HDAC1: variants seen among roughly 807,000 people sequenced by gnomAD.
HDAC1 encodes histone deacetylase 1.
HDAC1 carries 18 observed loss-of-function variants against 65.5 expected under a neutral mutation model. The observed-to-expected ratio is 0.27, with a 90% CI of 0.19 to 0.41. HDAC1 has a LOEUF of 0.41. Among genes scored for constraint, HDAC1 ranks in the 10% least tolerant of loss-of-function variants. The pLI is 1.00. For synonymous variants in HDAC1, 211 were observed against 227.9 expected (o/e 0.93, Z 0.67); for missense variants, 373 against 625.2 (o/e 0.60, Z 4.30).
intron 1 of HDAC1, among the ~76,000 whole-genome samples, chr1:32,301,226 C>G (rs912556493): frequency 1.3e-5 from 2 of 151,600 alleles, no homozygotes; most frequent in Non-Finnish European, 2.9e-5. Context: ...GCGGGCAGAT[C>G]ACAAGGTCAG....
Position 32,327,400 on chromosome 1 carries a change from C to T in HDAC1, c.495-136C>T, listed in dbSNP as rs1570037670. The T allele has an allele frequency of 2.7e-6, 2 of 742,032 alleles. No individual in the cohort carries two copies. The highest frequency in any genetic ancestry group is 2.5e-5 in the East Asian group (1 of 40,670). 46.0% of individuals were successfully genotyped at this position (742,032 alleles called of 1,614,324 possible). ...GACACCCGGCCGCTCTTCCACCTTC[C>T]TTCAGCCAGTTTCCACGTCTCTGGT... is the stretch of plus-strand genomic sequence containing the variant. On this transcript the variant is annotated intron_variant, in intron 5 of 13. Coordinates refer to ENST00000373548, the MANE Select transcript of HDAC1 (RefSeq NM_004964.3). The surrounding 1 kb of genome is among the most constrained non-coding windows in gnomAD (Gnocchi z 6.0).
intron 2 of HDAC1, among the ~76,000 whole-genome samples, chr1:32,316,456 G>A (rs2148065112): frequency 6.6e-6 from 1 of 152,304 alleles, no homozygotes; most frequent in South Asian, 2.1e-4. Context: ...TTGAGCTGCT[G>A]TAGGTCTTCT....
At chr1:32,315,873 G>A (rs1294770559) in intron 2 of HDAC1, among the ~76,000 whole-genome samples, 2 of 151,592 alleles carry the variant, frequency 1.3e-5, no homozygotes, top group Admixed American at 6.6e-5. Flanking sequence ...GCTGAGGCAG[G>A]AGAATCGCTT....
intron 3 of HDAC1, among the ~76,000 whole-genome samples, chr1:32,321,566 A>C (rs1570030376): frequency 6.6e-6 from 1 of 152,236 alleles, no homozygotes; most frequent in Non-Finnish European, 1.5e-5. Context: ...TAGCAGAAAG[A>C]GAGAAAACCC....
intron 6 of HDAC1, 79 bp from the exon 7 acceptor site, chr1:32,328,989 C>T (rs1641255777): frequency 2.3e-6 from 2 of 882,250 alleles, no homozygotes; most frequent in Non-Finnish European, 3.9e-6. Context: ...GAACCTCTTC[C>T]TTTATCCCTC....
chr1:32,297,263 T>C (rs1186918063), intron 1 of HDAC1, among the ~76,000 whole-genome samples: 1 of 152,160 alleles, frequency 6.6e-6, no homozygotes, highest in Non-Finnish European at 1.5e-5. Context: ...AAAAATGGGC[T>C]GGGCATGGTG....
intron 3 of HDAC1, among the ~76,000 whole-genome samples, chr1:32,319,447 C>A (rs561458234): frequency 6.6e-6 from 1 of 152,080 alleles, no homozygotes; most frequent in East Asian, 1.9e-4. Context: ...CAGTAATGAG[C>A]CCTTTTTAAA....
intron 12 of HDAC1, 92 bp from the exon 13 acceptor site, chr1:32,332,609 A>C: frequency 1.1e-6 from 1 of 875,038 alleles, no homozygotes; most frequent in Non-Finnish European, 1.9e-6. Context: ...AGTGAGCTGT[A>C]GTGTTGGGGA....
intron 1 of HDAC1, among the ~76,000 whole-genome samples, chr1:32,296,664 C>T (rs1044514057): frequency 2.6e-5 from 4 of 152,220 alleles, no homozygotes; most frequent in Non-Finnish European, 2.9e-5. Flanking sequence ...CAGGCGTGAG[C>T]CATCATGCCC....
At chr1:32,324,891 A>T (rs1641197132) in intron 4 of HDAC1, among the ~76,000 whole-genome samples, 1 of 152,106 alleles carries the variant, frequency 6.6e-6, no homozygotes, top group Non-Finnish European at 1.5e-5. Context: ...GCTTAAACCC[A>T]GTAGGTTGAG....
chr1:32,318,212 G>T (rs1414261598), intron 3 of HDAC1, among the ~76,000 whole-genome samples: 1 of 152,220 alleles, frequency 6.6e-6, no homozygotes. Context: ...GCTTCCCCAA[G>T]TGCTGGGATT....
chr1:32,327,703 C>G lies in HDAC1; in HGVS notation c.636+26C>G, dbSNP rs112191470. 8.7e-6 allele frequency: 14 copies of G among 1,611,464 alleles called. No individual in the cohort carries two copies. In the African/African-American group the frequency reaches 1.7e-4, roughly 20 times the overall value. Reference sequence around the variant, plus strand: ...GTGAGAACGCCCTTTAGGAGCCAACCGGCTTACCCTCAGCTGGCAGCTCTA... The same window carrying G: ...GTGAGAACGCCCTTTAGGAGCCAACGGGCTTACCCTCAGCTGGCAGCTCTA... On this transcript the variant is annotated intron_variant, in intron 6 of 13. Transcript: ENST00000373548. This position sits in a 1 kb window ranked among gnomAD's most constrained non-coding sequence, Gnocchi z 6.0.
intron 2 of HDAC1, among the ~76,000 whole-genome samples, chr1:32,312,552 G>T (rs1471349192): frequency 2.0e-5 from 3 of 152,166 alleles, no homozygotes; most frequent in Non-Finnish European, 2.9e-5. Flanking sequence ...GTAGAGATGG[G>T]GTTTTACCAT....
At chr1:32,306,277 G>A (rs550521712) in intron 2 of HDAC1, among the ~76,000 whole-genome samples, 7 of 148,614 alleles carry the variant, frequency 4.7e-5, no homozygotes, top group East Asian at 2.0e-4. Context: ...TGCAATCTCC[G>A]CCTCCCTAGT....
rs767057172 is a variant in HDAC1, at chr1:32,332,200, A to G, written c.1330A>G (p.Lys444Glu). The G allele has an allele frequency of 6.2e-7, 1 of 1,613,686 alleles. No homozygotes were observed. The highest frequency in any genetic ancestry group is 8.5e-7 in the Non-Finnish European group (1 of 1,179,694). ...SSNFKKAKRV[K>E]TEDEKEKDPE... ...CAACTTCAAAAAAGCCAAGAGAGTCAAAACAGAGGATGAAAAAGAGAAAGA... is the reference window on the plus strand; with the variant it reads ...CAACTTCAAAAAAGCCAAGAGAGTCGAAACAGAGGATGAAAAAGAGAAAGA... The change falls in exon 12 of 14, where the codon AAA becomes GAA. Residue 444 changes from lysine to glutamate, a missense_variant. Lys to Glu is a moderately conservative substitution (Grantham distance 56). Around this residue, in one of 4 missense-constraint regions of HDAC1, gnomAD observed 126 missense variants for 126.2 expected, o/e 1.00. Coordinates refer to ENST00000373548, the MANE Select transcript of HDAC1 (RefSeq NM_004964.3).
chr1:32,324,852 C>T (rs1320816742), intron 4 of HDAC1, among the ~76,000 whole-genome samples: 1 of 152,134 alleles, frequency 6.6e-6, no homozygotes, highest in Non-Finnish European at 1.5e-5. Context: ...TGACTCGTGC[C>T]TGTAGTCCCA....
intron 4 of HDAC1, among the ~76,000 whole-genome samples, chr1:32,324,983 A>T (rs147975106): frequency 1.0e-3 from 152 of 151,998 alleles, no homozygotes; most frequent in Admixed American, 2.0e-3. Context: ...AAAATTTAAA[A>T]AGCCTCTAAA....
chr1:32,296,444 C>T (rs1640767706), intron 1 of HDAC1, among the ~76,000 whole-genome samples: 1 of 152,138 alleles, frequency 6.6e-6, no homozygotes, highest in African/African-American at 2.4e-5. Flanking sequence ...GGCTCACTAC[C>T]ACCTCTGCCT....
chr1:32,300,115 C>T (rs141602536), intron 1 of HDAC1, among the ~76,000 whole-genome samples: 3 of 152,030 alleles, frequency 2.0e-5, no homozygotes, highest in Non-Finnish European at 4.4e-5. Flanking sequence ...ATTTGGAGTC[C>T]GAAGAGTGGA....
Sources: gnomAD v4.1 joint callset for allele counts (sites outside exome capture counted in the v4.1 genomes callset) on GRCh38, gnomAD v4.1.1 for gene constraint, gnomAD v4.1.1 regional missense constraint, Gnocchi (gnomAD v3.1) non-coding constraint, MANE v1.5 for transcripts, NCBI Gene and HGNC (gene_info 2026-07-23, HGNC 2026-07-21) for gene names.